Variants in DOCK5 observed in about 807,000 individuals in gnomAD.
The protein encoded by DOCK5 is dedicator of cytokinesis protein 5.
A neutral mutation model predicts 251.8 loss-of-function variants in DOCK5; 142 were observed. That is an observed-to-expected ratio of 0.56 (90% CI 0.49 to 0.65). The LOEUF (loss-of-function observed/expected upper bound fraction) is 0.65, where lower values mean the gene tolerates loss of function less well. Ranked by LOEUF, DOCK5 falls within the 30% of genes least tolerant of loss-of-function variation. The pLI, the probability that DOCK5 is intolerant of heterozygous loss-of-function variation, is 0.00. For synonymous variants in DOCK5, 842 were observed against 835.5 expected (o/e 1.01, Z -0.13); for missense variants, 2,111 against 2,312.3 (o/e 0.91, Z 1.79).
chr8:25,252,468 A>C (rs1043913864), intron 2 of DOCK5, among the ~76,000 whole-genome samples: 1 of 152,252 alleles, frequency 6.6e-6, no homozygotes, highest in Non-Finnish European at 1.5e-5. Context: ...TGCCTTTCTC[A>C]TACATAAATG....
chr8:25,213,364 C>CAAAA (rs34974024), intron 1 of DOCK5, among the ~76,000 whole-genome samples: 3 of 74,610 alleles, frequency 4.0e-5, no homozygotes, highest in Non-Finnish European at 5.6e-5. Flanking sequence ...ATGAATGTAG[C>CAAAA]AAAAAAAAAA....
At chr8:25,402,472 A>G (rs556864702) in intron 47 of DOCK5, among the ~76,000 whole-genome samples, 63 of 151,854 alleles carry the variant, frequency 4.1e-4, no homozygotes, top group Non-Finnish European at 7.2e-4. Flanking sequence ...ATTTTTTTGC[A>G]TTTTTAGTAG....
At chr8:25,389,660 G>A (rs974687795) in intron 41 of DOCK5, among the ~76,000 whole-genome samples, 10 of 152,128 alleles carry the variant, frequency 6.6e-5, no homozygotes, top group African/African-American at 2.4e-4. Context: ...CCATTTACCA[G>A]TTGTGTGATG....
chr8:25,378,082 C>G (rs111902374), intron 38 of DOCK5, among the ~76,000 whole-genome samples: 1,756 of 152,204 alleles, frequency 0.012, 21 homozygotes, highest in South Asian at 0.06. Context: ...GAATCGTTAA[C>G]TACACAATGA....
Position 25,316,498 on chromosome 8 carries a change from A to C in DOCK5, c.1319-509A>C, listed in dbSNP as rs562887536. Among the ~76,000 whole-genome samples, 131 of 152,048 alleles carry C rather than the reference A, an allele frequency of 8.6e-4. 4 individuals carry two copies. In the South Asian group the frequency reaches 0.026, roughly 31 times the overall value. On this transcript the variant is annotated intron_variant, in intron 13 of 51. Coordinates refer to ENST00000276440, the MANE Select transcript of DOCK5 (RefSeq NM_024940.8). ...CATGTATCAAAAAAAAGAAAAACAT[A>C]CTCTATAGGCTTTCAGAAAGAGTGT...
chr8:25,248,147 T>C (rs547429396), intron 2 of DOCK5, among the ~76,000 whole-genome samples: 4 of 152,330 alleles, frequency 2.6e-5, no homozygotes, highest in African/African-American at 9.6e-5. Flanking sequence ...GGATTATATT[T>C]TTCATTAGTG....
chr8:25,392,969 C>T (rs902786680), intron 44 of DOCK5, 87 bp downstream of exon 44: 1 of 1,218,060 alleles, frequency 8.2e-7, no homozygotes, highest in Non-Finnish European at 1.2e-6. Flanking sequence ...CTGCAGTTCA[C>T]ACCAGCTTGG....
intron 40 of DOCK5, among the ~76,000 whole-genome samples, chr8:25,385,958 C>T (rs1801157784): frequency 6.6e-6 from 1 of 152,092 alleles, no homozygotes; most frequent in Non-Finnish European, 1.5e-5. Flanking sequence ...AGCAAAGGTC[C>T]CAGACCTTGA....
rs1383863549 is a variant in DOCK5, at chr8:25,190,775, GGTTTTTTTTT to G, written c.43+5825_43+5834del. Among the ~76,000 whole-genome samples the G allele has an allele frequency of 1.1e-3, 61 of 53,984 alleles. 2 individuals carry two copies. Among genetic ancestry groups the G allele is most frequent in the Non-Finnish European group, 1.4e-3 (43 of 30,060 alleles). 35.4% of individuals were successfully genotyped at this position (53,984 alleles called of 152,430 possible). On this transcript the variant is annotated intron_variant, in intron 1 of 51. Transcript: ENST00000276440. ...AAGGCCTGGCCTTAACTTGGTCATG[GGTTTTTTTTT>G]TTTTTTTTTTTTTTTTGAGACGGAG...
intron 2 of DOCK5, among the ~76,000 whole-genome samples, 154 bp downstream of exon 2, chr8:25,243,911 C>CA (rs1250345209): frequency 6.6e-6 from 1 of 152,208 alleles, no homozygotes; most frequent in Non-Finnish European, 1.5e-5. Context: ...CAATTTTGAA[C>CA]AGAGTGTGAT....
At chr8:25,237,893 G>T (rs144079479) in intron 1 of DOCK5, among the ~76,000 whole-genome samples, 2 of 152,322 alleles carry the variant, frequency 1.3e-5, no homozygotes, top group East Asian at 3.9e-4. Context: ...TGAGGCCTAG[G>T]CTTAGTAGCT....
At chr8:25,277,096 T>C (rs1252891013) in intron 4 of DOCK5, 3 of 153,918 alleles carry the variant, frequency 1.9e-5, no homozygotes, top group Non-Finnish European at 4.4e-5. Flanking sequence ...AACCCGCTCA[T>C]TCCAAAATGC....
chr8:25,293,881 G>A (rs1177316622), intron 6 of DOCK5, among the ~76,000 whole-genome samples: 6 of 152,204 alleles, frequency 3.9e-5, no homozygotes, highest in Non-Finnish European at 5.9e-5. Flanking sequence ...GCATATGCCT[G>A]TAATCCCAGC....
chr8:25,324,160 A>G (rs1167728512), intron 17 of DOCK5, among the ~76,000 whole-genome samples: 1 of 152,000 alleles, frequency 6.6e-6, no homozygotes, highest in African/African-American at 2.4e-5. Context: ...ATTATTACTG[A>G]GTCTTCTAAG....
intron 50 of DOCK5, chr8:25,409,371 TAGAGGGATAAA>T (rs1006315283): frequency 1.8e-4 from 34 of 185,354 alleles, no homozygotes; most frequent in Non-Finnish European, 3.9e-4. Context: ...AGAGGCATGG[TAGAGGGATAAA>T]TCTATCGAGC....
At chr8:25,337,410 G>A (rs769192145) in intron 22 of DOCK5, among the ~76,000 whole-genome samples, 10 of 151,578 alleles carry the variant, frequency 6.6e-5, no homozygotes, top group Non-Finnish European at 1.2e-4. Flanking sequence ...CAAAAAAGAA[G>A]ATTTTTAAGG....
chr8:25,290,382 A>T (rs750691133), intron 5 of DOCK5, among the ~76,000 whole-genome samples: 14 of 152,250 alleles, frequency 9.2e-5, no homozygotes, highest in Admixed American at 2.6e-4. Flanking sequence ...ATTGGGCTGC[A>T]TTCAAAGCCA....
In DOCK5 at chr8:25,197,019, T is replaced by C. The variant is rs1341715993; in HGVS notation, c.43+12068T>C. 2.7e-5 allele frequency among the ~76,000 whole-genome samples: 4 copies of C among 147,792 alleles called. No homozygotes were observed. In the South Asian group the frequency reaches 6.5e-4, roughly 24 times the overall value. ...TTTGAGACCAGCCTGGGCAACATAG[T>C]GAGACCCTGTCTATTATTTAAAAAA... is the stretch of plus-strand genomic sequence containing the variant. On this transcript the variant is annotated intron_variant, in intron 1 of 51. Coordinates refer to ENST00000276440, the MANE Select transcript of DOCK5 (RefSeq NM_024940.8).
intron 1 of DOCK5, among the ~76,000 whole-genome samples, chr8:25,192,551 G>A (rs1321392829): frequency 6.6e-6 from 1 of 152,282 alleles, no homozygotes; most frequent in Non-Finnish European, 1.5e-5. Flanking sequence ...TGTTGCCCAG[G>A]CTGGAGTGCA....
Sources: gnomAD v4.1 joint callset for allele counts (sites outside exome capture counted in the v4.1 genomes callset) on GRCh38, gnomAD v4.1.1 for gene constraint, MANE v1.5 for transcripts, NCBI Gene and HGNC (gene_info 2026-07-23, HGNC 2026-07-21) for gene names.